ABCB4: variants seen among roughly 807,000 people sequenced by gnomAD.
The protein encoded by ABCB4 is phosphatidylcholine translocator ABCB4.
Under a neutral mutation model 145.7 loss-of-function variants are expected in ABCB4, and 76 were observed. The observed-to-expected ratio is 0.52, with a 90% confidence interval of 0.43 to 0.63. The LOEUF is 0.63. Ranked by LOEUF, ABCB4 falls within the 30% of genes least tolerant of loss-of-function variation. The probability of loss-of-function intolerance (pLI) is 0.00; values close to 1 mark genes in which losing one functional copy is unlikely to be tolerated. For synonymous variants in ABCB4, 517 were observed against 566.8 expected (o/e 0.91, Z 1.25); for missense variants, 1,234 against 1,553.1 (o/e 0.79, Z 3.45).
the ABCB4 span, among the ~76,000 whole-genome samples, chr7:87,388,888 G>A: frequency 6.6e-6 from 1 of 152,022 alleles, no homozygotes; most frequent in South Asian, 2.1e-4. Flanking sequence ...CTGACAAAGG[G>A]CTAATATCCA....
chr7:87,385,061 T>C, the ABCB4 span, among the ~76,000 whole-genome samples: 1 of 152,200 alleles, frequency 6.6e-6, no homozygotes, highest in African/African-American at 2.4e-5. Flanking sequence ...ATGTCTGTTT[T>C]TATGCCAGTA....
At chr7:87,461,290 C>T (rs573598749) in intron 4 of ABCB4, among the ~76,000 whole-genome samples, 1 of 152,312 alleles carries the variant, frequency 6.6e-6, no homozygotes, top group Admixed American at 6.5e-5. Flanking sequence ...ACCACAACTT[C>T]ACAATGTTTA....
chr7:87,397,078 G>A (rs539678198), downstream of ABCB4, among the ~76,000 whole-genome samples: 82 of 152,226 alleles, frequency 5.4e-4, no homozygotes, highest in African/African-American at 1.6e-3. Flanking sequence ...TGTAGGCTAG[G>A]CATGGTGGCT....
chr7:87,456,370 G>T (rs1268985781), intron 4 of ABCB4, among the ~76,000 whole-genome samples: 1 of 152,110 alleles, frequency 6.6e-6, no homozygotes, highest in African/African-American at 2.4e-5. Context: ...GAGGTGTTTG[G>T]GTCAAGGGGA....
intron 18 of ABCB4, among the ~76,000 whole-genome samples, chr7:87,421,299 C>T (rs1336558915): frequency 6.6e-6 from 1 of 152,146 alleles, no homozygotes; most frequent in Non-Finnish European, 1.5e-5. Context: ...CCCAGGTGTT[C>T]CTTGTCCAGG....
chr7:87,448,974 T>C (rs1238147190), intron 8 of ABCB4, among the ~76,000 whole-genome samples: 2 of 152,196 alleles, frequency 1.3e-5, no homozygotes, highest in African/African-American at 2.4e-5. Context: ...GTTATTTAAA[T>C]AAAACCCTAA....
intron 11 of ABCB4, 89 bp downstream of exon 11, chr7:87,443,574 T>G: frequency 6.6e-7 from 1 of 1,524,862 alleles, no homozygotes; most frequent in Non-Finnish European, 9.0e-7. Context: ...AAAAGGCACA[T>G]AAGTATCAAA....
intron 22 of ABCB4, among the ~76,000 whole-genome samples, chr7:87,413,271 C>T (rs936958889): frequency 2.0e-5 from 3 of 152,222 alleles, no homozygotes; most frequent in South Asian, 2.1e-4. Context: ...TCAGTCTACA[C>T]ACTGCAAAGA....
At position 87,451,651 on chromosome 7, in the gene ABCB4, A is replaced by G. The variant is rs776565957; in HGVS notation, c.680T>C (p.Leu227Pro). 6.2e-7 allele frequency: 1 copy of G among 1,614,158 alleles called. No individual in the cohort carries two copies. The highest frequency in any genetic ancestry group is 8.5e-7 in the Non-Finnish European group (1 of 1,180,016). Reference sequence around the variant, plus strand: ...TGCCCAAACGGCTGCAGAGAGTCCTAGAATAGGGCTGATGGCCATTATCAC... The same window carrying G: ...TGCCCAAACGGCTGCAGAGAGTCCTGGAATAGGGCTGATGGCCATTATCAC... The part of the protein sequence containing the change: ...TLVIMAISPI[L>P]GLSAAVWAKI... The change falls in exon 7 of 28, where the codon CTA (leucine) becomes CCA (proline). Residue 227 changes from leucine (L) to proline (P), a missense_variant. By Grantham distance (98) the Leu-to-Pro change is moderately conservative. Transcript: ENST00000649586.
intron 6 of ABCB4, 168 bp downstream of exon 6, chr7:87,452,776 C>A (rs1811833425): frequency 1.3e-6 from 1 of 765,154 alleles, no homozygotes; most frequent in Non-Finnish European, 2.1e-6. Flanking sequence ...AGCCAACATG[C>A]AATGGCATAG....
At chr7:87,438,835 G>A (rs1810786747) in intron 14 of ABCB4, among the ~76,000 whole-genome samples, 1 of 152,168 alleles carries the variant, frequency 6.6e-6, no homozygotes. Flanking sequence ...AGGGAATTAG[G>A]TTAACTTAGG....
intron 24 of ABCB4, 124 bp downstream of exon 24, chr7:87,409,112 A>T: frequency 8.4e-7 from 1 of 1,192,116 alleles, no homozygotes; most frequent in Non-Finnish European, 1.2e-6. Flanking sequence ...CTATATAAAT[A>T]TTACAAATTA....
chr7:87,398,168 G>A (rs768673371), downstream of ABCB4: 2 of 332,516 alleles, frequency 6.0e-6, no homozygotes, highest in Non-Finnish European at 1.2e-5. Context: ...ATTAAAAACT[G>A]TAGCATGAAT....
chr7:87,472,679 TA>T lies in ABCB4; in HGVS notation c.81-5del. 6 of 1,587,016 alleles carry T rather than the reference TA, an allele frequency of 3.8e-6. No individual in the cohort carries two copies. The highest frequency in any genetic ancestry group is 5.2e-6 in the Non-Finnish European group (6 of 1,155,742). Reference sequence around the variant, plus strand: ...CGTTTTTTTCCTTTTTTGTTTGCTGTAAAAAATAGAATTGCTTCAATTTAAA... The same window carrying T: ...CGTTTTTTTCCTTTTTTGTTTGCTGTAAAAATAGAATTGCTTCAATTTAAA... On this transcript the variant is annotated splice_region_variant and splice_polypyrimidine_tract_variant and intron_variant, in intron 2 of 27. Coordinates refer to ENST00000649586, the MANE Select transcript of ABCB4 (RefSeq NM_000443.4).
chr7:87,472,410 GATGAGATCTCACT>G (rs1182392573), intron 3 of ABCB4, among the ~76,000 whole-genome samples, 198 bp downstream of exon 3: 1 of 151,994 alleles, frequency 6.6e-6, no homozygotes, highest in African/African-American at 2.4e-5. Context: ...ATTTTGTAGA[GATGAGATCTCACT>G]ATGTTGTCCA....
At chr7:87,464,015 T>G (rs1051602824) in intron 3 of ABCB4, among the ~76,000 whole-genome samples, 1 of 152,110 alleles carries the variant, frequency 6.6e-6, no homozygotes, top group Non-Finnish European at 1.5e-5. Flanking sequence ...GCTTCCTATC[T>G]TTTTTTTCTC....
upstream of ABCB4, among the ~76,000 whole-genome samples, chr7:87,475,972 G>A (rs1171956900): frequency 3.9e-5 from 6 of 152,198 alleles, no homozygotes; most frequent in African/African-American, 1.4e-4. Flanking sequence ...TGGAGCCTCG[G>A]GTGCCGAGAA....
intron 1 of ABCB4, 49 bp from the exon 2 acceptor site, chr7:87,475,520 C>T: frequency 6.3e-7 from 1 of 1,598,058 alleles, no homozygotes; most frequent in Non-Finnish European, 8.6e-7. Flanking sequence ...CTCCGGCGGC[C>T]CGGCGCACGA....
intron 8 of ABCB4, 34 bp downstream of exon 8, chr7:87,449,934 T>C (rs761981019): frequency 1.2e-6 from 2 of 1,613,988 alleles, no homozygotes; most frequent in Admixed American, 3.3e-5. Flanking sequence ...TAAAAACACA[T>C]TCCTTAAACC....
Sources: allele counts gnomAD v4.1 joint callset (sites outside exome capture counted in the v4.1 genomes callset), GRCh38; gene constraint gnomAD v4.1.1; transcripts MANE v1.5; gene names NCBI Gene and HGNC (gene_info 2026-07-23, HGNC 2026-07-21).